The following GFRA1 variants were observed in gnomAD, a reference collection of about 807,000 sequenced individuals.
GFRA1 encodes GDNF family receptor alpha 1, also known as GDNF family receptor alpha-1.
A neutral mutation model predicts 51.6 loss-of-function variants in GFRA1; 16 were observed. The observed-to-expected ratio is 0.31, with a 90% CI of 0.21 to 0.47. The LOEUF (loss-of-function observed/expected upper bound fraction) is 0.47. Ranked by LOEUF, GFRA1 falls within the 20% of genes least tolerant of loss-of-function variation. The pLI is 1.00. For synonymous variants in GFRA1, 270 were observed against 241.3 expected (o/e 1.12, Z -1.10); for missense variants, 530 against 594.3 (o/e 0.89, Z 1.13).
chr10:116,184,888 G>C (rs1451508896), intron 5 of GFRA1, among the ~76,000 whole-genome samples: 1 of 152,210 alleles, frequency 6.6e-6, no homozygotes, highest in Non-Finnish European at 1.5e-5. Flanking sequence ...CAGTCCATCT[G>C]TAGGGCAGTG....
chr10:116,269,355 T>G, intron 4 of GFRA1, 148 bp downstream of exon 4: 1 of 702,126 alleles, frequency 1.4e-6, no homozygotes, highest in Non-Finnish European at 2.6e-6. Flanking sequence ...GCATTATGCC[T>G]CTTCATTATC....
intron 5 of GFRA1, among the ~76,000 whole-genome samples, chr10:116,170,122 T>G (rs987491831): frequency 2.6e-5 from 4 of 152,190 alleles, no homozygotes; most frequent in Admixed American, 2.6e-4. Flanking sequence ...GGAACTCTCC[T>G]GTCTCAATTG....
chr10:116,271,121 G>T lies in GFRA1; in HGVS notation c.41-6C>A, dbSNP rs372156491. The T allele has an allele frequency of 1.4e-5, 23 of 1,598,418 alleles. No homozygotes were observed. Among genetic ancestry groups the T allele is most frequent in the East Asian group, 9.0e-5 (4 of 44,370 alleles). On this transcript the variant is annotated splice_region_variant and splice_polypyrimidine_tract_variant and intron_variant, in intron 2 of 10. Transcript: ENST00000355422. ...TTCGGCCGACAGGAGCAAGTCTGCG[G>T]GGCAGAGGGGAGGGAGCCTGAGTGC... is the stretch of plus-strand genomic sequence containing the variant.
intron 6 of GFRA1, among the ~76,000 whole-genome samples, chr10:116,117,800 C>A (rs888253001): frequency 6.6e-6 from 1 of 152,088 alleles, no homozygotes; most frequent in African/African-American, 2.4e-5. Flanking sequence ...AACAGATGGA[C>A]GGATATACTT....
At chr10:116,236,917 C>A (rs1966910058) in intron 4 of GFRA1, among the ~76,000 whole-genome samples, 1 of 152,158 alleles carries the variant, frequency 6.6e-6, no homozygotes, top group Non-Finnish European at 1.5e-5. Context: ...AAAATGTAAC[C>A]CGCATGCTTA....
At chr10:116,111,048 T>G (rs1185005814) in intron 6 of GFRA1, among the ~76,000 whole-genome samples, 1 of 152,148 alleles carries the variant, frequency 6.6e-6, no homozygotes, top group Non-Finnish European at 1.5e-5. Flanking sequence ...CATCCCACGT[T>G]CCCTCCTGAC....
intron 4 of GFRA1, among the ~76,000 whole-genome samples, chr10:116,240,784 G>A (rs1286624205): frequency 6.6e-6 from 1 of 152,130 alleles, no homozygotes. Context: ...GGGCTGTCTC[G>A]ACAAACATCT....
intron 6 of GFRA1, among the ~76,000 whole-genome samples, chr10:116,103,222 A>G (rs1283100175): frequency 2.0e-5 from 3 of 152,220 alleles, no homozygotes; most frequent in Non-Finnish European, 4.4e-5. Flanking sequence ...TGAGACTTAA[A>G]TGACAATTAT....
chr10:116,211,538 C>T (rs539690615), intron 5 of GFRA1, 93 bp downstream of exon 5: 34 of 1,178,744 alleles, frequency 2.9e-5, no homozygotes, highest in Middle Eastern at 1.9e-4. Context: ...CCATAGAGAA[C>T]GGGAAACCCC....
At chr10:116,128,107 A>C (rs970389955) in intron 5 of GFRA1, among the ~76,000 whole-genome samples, 1 of 152,218 alleles carries the variant, frequency 6.6e-6, no homozygotes, top group Admixed American at 6.5e-5. Context: ...TCAGTAATAC[A>C]GGCCTGCCAA....
chr10:116,109,113 G>A (rs951098972), intron 6 of GFRA1, among the ~76,000 whole-genome samples: 7 of 152,112 alleles, frequency 4.6e-5, no homozygotes, highest in Non-Finnish European at 7.3e-5. Context: ...AGCAGTAACC[G>A]TACTAGCCAG....
chr10:116,077,060 C>CTT, intron 9 of GFRA1, among the ~76,000 whole-genome samples: 1 of 152,060 alleles, frequency 6.6e-6, no homozygotes, highest in Non-Finnish European at 1.5e-5. Context: ...TCATAAGAGA[C>CTT]TTTATAAGAG....
At chr10:116,179,043 T>G (rs1185590071) in intron 5 of GFRA1, among the ~76,000 whole-genome samples, 1 of 152,158 alleles carries the variant, frequency 6.6e-6, no homozygotes. Flanking sequence ...TGTATGTTCA[T>G]GCAGAGGAAG....
At chr10:116,078,495 C>T (rs1955709996) in intron 9 of GFRA1, among the ~76,000 whole-genome samples, 1 of 152,106 alleles carries the variant, frequency 6.6e-6, no homozygotes, top group African/African-American at 2.4e-5. Flanking sequence ...GTCCAGAGCT[C>T]TGTGATAAAG....
At chr10:116,167,640 C>G (rs1025903448) in intron 5 of GFRA1, among the ~76,000 whole-genome samples, 2 of 151,792 alleles carry the variant, frequency 1.3e-5, no homozygotes, top group African/African-American at 4.8e-5. Flanking sequence ...GACCAAAGCT[C>G]TCAGTTTTAA....
At chr10:116,097,832 CTG>C (rs2133914477) in intron 6 of GFRA1, among the ~76,000 whole-genome samples, 1 of 152,218 alleles carries the variant, frequency 6.6e-6, no homozygotes, top group South Asian at 2.1e-4. Context: ...ACCTAAGAGA[CTG>C]TATTTTCTTG....
At chr10:116,108,788 A>G (rs951565733) in intron 6 of GFRA1, among the ~76,000 whole-genome samples, 1 of 152,154 alleles carries the variant, frequency 6.6e-6, no homozygotes, top group Non-Finnish European at 1.5e-5. Flanking sequence ...TTTCTATTCT[A>G]TATCTTCACG....
chr10:116,269,958 G>C (rs1843768996), intron 3 of GFRA1, among the ~76,000 whole-genome samples: 1 of 152,064 alleles, frequency 6.6e-6, no homozygotes, highest in Admixed American at 6.5e-5. Flanking sequence ...ATTTCTGCTT[G>C]CTCCCAAAAC....
At chr10:116,251,350 G>A (rs937651280) in intron 4 of GFRA1, among the ~76,000 whole-genome samples, 2 of 152,156 alleles carry the variant, frequency 1.3e-5, no homozygotes, top group Admixed American at 6.5e-5. Context: ...GAAAGTTCCT[G>A]GGGAGATCAT....
Sources: gnomAD v4.1 joint callset for allele counts (sites outside exome capture counted in the v4.1 genomes callset) on GRCh38, gnomAD v4.1.1 for gene constraint, MANE v1.5 for transcripts, NCBI Gene and HGNC (gene_info 2026-07-23, HGNC 2026-07-21) for gene names.